The following SUGCT variants were observed in gnomAD, a reference collection of about 807,000 sequenced individuals.
SUGCT encodes the protein succinyl-CoA:glutarate CoA-transferase.
SUGCT carries 41 observed loss-of-function variants against 55.0 expected under a neutral mutation model. That is an observed-to-expected ratio of 0.74 (90% CI 0.58 to 0.97). SUGCT has a LOEUF of 0.97. SUGCT is among the 50% of genes least tolerant of loss of function. The pLI is 0.00. For synonymous variants in SUGCT, 187 were observed against 200.4 expected, an observed-to-expected ratio of 0.93 and a Z score of 0.56; for missense variants, 568 against 547.8, an observed-to-expected ratio of 1.04 and a Z score of -0.37.
At chr7:40,314,722 G>T (rs191167925) in intron 8 of SUGCT, among the ~76,000 whole-genome samples, 70 of 152,034 alleles carry the variant, frequency 4.6e-4, no homozygotes, top group Admixed American at 1.5e-3. Flanking sequence ...GTGCCACCAT[G>T]CCTGGCTAAT....
the SUGCT span, among the ~76,000 whole-genome samples, chr7:41,025,641 C>T: frequency 6.6e-6 from 1 of 152,038 alleles, no homozygotes; most frequent in Non-Finnish European, 1.5e-5. Flanking sequence ...AGATGTGAGC[C>T]ACCGTGCCCA....
At position 40,624,205 on chromosome 7, in the gene SUGCT, G is replaced by T. The variant is rs1363112657; in HGVS notation, c.1090-125229G>T. Among the ~76,000 whole-genome samples the T allele has an allele frequency of 9.2e-5, 14 of 152,068 alleles. No homozygotes were observed. The East Asian group carries it at 2.5e-3, about 27-fold the overall frequency. ...GGCTGAGACAGAGCACCCACCTCAG[G>T]CCTCCTCCCCCAGTATCTTCCTCTT... On this transcript the variant is annotated intron_variant, in intron 12 of 13. Transcript: ENST00000335693.
intron 13 of SUGCT, among the ~76,000 whole-genome samples, chr7:40,794,664 CTGTG>C (rs1343574802): frequency 6.6e-6 from 1 of 152,088 alleles, no homozygotes; most frequent in African/African-American, 2.4e-5. Context: ...TTACCATTTG[CTGTG>C]TGTACTGGAT....
In SUGCT at chr7:40,153,304, A is replaced by G. The variant is rs574856052; in HGVS notation, c.100+18184A>G. 65 of 393,466 alleles carry G rather than the reference A, an allele frequency of 1.7e-4. 1 individual carries two copies. Among genetic ancestry groups the G allele is most frequent in the South Asian group, 1.4e-3 (62 of 44,834 alleles). 24.4% of individuals were successfully genotyped at this position (393,466 alleles called of 1,614,324 possible). On this transcript the variant is annotated intron_variant, in intron 1 of 13. Transcript: ENST00000335693. ...AGCCTCAAGTGTAAAGTTTAGAGTC[A>G]TGTGCAACAGAGTAGGAGAGAAATA...
At chr7:40,561,290 T>C (rs1795822755) in intron 12 of SUGCT, among the ~76,000 whole-genome samples, 1 of 152,198 alleles carries the variant, frequency 6.6e-6, no homozygotes, top group Non-Finnish European at 1.5e-5. Flanking sequence ...ATTTCTTCCT[T>C]CTCTAATTGG....
intron 9 of SUGCT, among the ~76,000 whole-genome samples, chr7:40,350,458 T>A (rs1347679257): frequency 6.6e-6 from 1 of 151,162 alleles, no homozygotes; most frequent in Non-Finnish European, 1.5e-5. Flanking sequence ...GAACTACAGG[T>A]GACCACCGCC....
chr7:40,399,005 C>A (rs1785913526), intron 9 of SUGCT, among the ~76,000 whole-genome samples: 1 of 152,262 alleles, frequency 6.6e-6, no homozygotes, highest in Non-Finnish European at 1.5e-5. Context: ...TCTGACATGT[C>A]TGATTGCTGT....
At chr7:40,351,694 C>G (rs1797640996) in intron 9 of SUGCT, among the ~76,000 whole-genome samples, 1 of 152,176 alleles carries the variant, frequency 6.6e-6, no homozygotes. Flanking sequence ...TAGCTGACAT[C>G]ACATTTAGAG....
chr7:40,670,499 G>T (rs938121636), intron 12 of SUGCT, among the ~76,000 whole-genome samples: 2 of 152,046 alleles, frequency 1.3e-5, no homozygotes, highest in African/African-American at 4.8e-5. Flanking sequence ...ACATCAAAAG[G>T]ATAATAAAGA....
the SUGCT span, among the ~76,000 whole-genome samples, chr7:40,915,032 G>A: frequency 1.3e-5 from 2 of 152,132 alleles, no homozygotes; most frequent in Non-Finnish European, 2.9e-5. Flanking sequence ...ACCTAATCAG[G>A]AAGATAGGGA....
chr7:40,793,551 G>A (rs1790416568), intron 13 of SUGCT, among the ~76,000 whole-genome samples: 2 of 151,648 alleles, frequency 1.3e-5, no homozygotes, highest in Non-Finnish European at 2.9e-5. Context: ...TTTTTGTCTT[G>A]GACTTTATTT....
chr7:40,242,935 T>TATATA (rs1562605220), intron 7 of SUGCT, among the ~76,000 whole-genome samples: 3 of 23,838 alleles, frequency 1.3e-4, no homozygotes, highest in African/African-American at 2.1e-4. Context: ...ATATATATAT[T>TATATA]TTTTTTTTTT....
chr7:40,290,738 A>G (rs1793686891), intron 8 of SUGCT, among the ~76,000 whole-genome samples: 1 of 152,150 alleles, frequency 6.6e-6, no homozygotes, highest in Non-Finnish European at 1.5e-5. Flanking sequence ...ATGGGAGAAA[A>G]TTTTCTCAAC....
At chr7:40,548,182 C>CT (rs1165427905) in intron 12 of SUGCT, among the ~76,000 whole-genome samples, 8 of 119,016 alleles carry the variant, frequency 6.7e-5, no homozygotes, top group East Asian at 2.3e-4. Flanking sequence ...TCTTTTCTTT[C>CT]TTTCTTTTTT....
intron 6 of SUGCT, among the ~76,000 whole-genome samples, chr7:40,227,538 A>C (rs1788451071): frequency 6.6e-6 from 1 of 151,930 alleles, no homozygotes; most frequent in South Asian, 2.1e-4. Flanking sequence ...CTAATTTTTA[A>C]ATTTTTTTGT....
chr7:40,479,440 T>TA (rs1488582427), intron 11 of SUGCT, among the ~76,000 whole-genome samples: 5 of 152,178 alleles, frequency 3.3e-5, no homozygotes, highest in African/African-American at 1.2e-4. Context: ...AGGTGTGTGG[T>TA]AGGCTGTTCC....
intron 7 of SUGCT, among the ~76,000 whole-genome samples, chr7:40,264,835 G>GTC (rs1791452687): frequency 6.6e-6 from 1 of 152,134 alleles, no homozygotes; most frequent in South Asian, 2.1e-4. Flanking sequence ...TTCTCATCTC[G>GTC]TCTCTCTGCC....
At chr7:40,705,798 A>C (rs1785369468) in intron 12 of SUGCT, among the ~76,000 whole-genome samples, 1 of 152,190 alleles carries the variant, frequency 6.6e-6, no homozygotes, top group Non-Finnish European at 1.5e-5. Flanking sequence ...CAACAGGGAA[A>C]ACAGCACCAT....
chr7:41,012,133 A>G, the SUGCT span, among the ~76,000 whole-genome samples: 13 of 152,006 alleles, frequency 8.6e-5, no homozygotes, highest in Non-Finnish European at 1.6e-4. Context: ...AAGTGTGGAA[A>G]TTTCCCGGAA....
Sources: gnomAD v4.1 joint callset for allele counts (sites outside exome capture counted in the v4.1 genomes callset) on GRCh38, gnomAD v4.1.1 for gene constraint, MANE v1.5 for transcripts, NCBI Gene and HGNC (gene_info 2026-07-23, HGNC 2026-07-21) for gene names.